The following THBS2 variants were observed in gnomAD, a reference collection of about 807,000 sequenced individuals.
THBS2 encodes the protein thrombospondin 2.
Under a neutral mutation model 135.2 loss-of-function variants are expected in THBS2, and 47 were observed. The observed-to-expected ratio is 0.35, with a 90% confidence interval of 0.28 to 0.44. The LOEUF is 0.44. Ranked by LOEUF, THBS2 falls within the 20% of genes least tolerant of loss-of-function variation. THBS2 has a pLI of 1.00. For missense variants in THBS2, 1,288 were observed against 1,603.1 expected (o/e 0.80, Z 3.36); for synonymous variants, 639 against 633.8 (o/e 1.01, Z -0.12).
In THBS2 at chr6:169,248,881, C is replaced by T. The variant is rs749837715; in HGVS notation, c.145G>A (p.Asp49Asn). The change falls in exon 3 of 22, where the codon GAC (aspartate) becomes AAC (asparagine). Residue 49 changes from aspartate to asparagine, a missense_variant. Physicochemically the swap from Asp to Asn is conservative, Grantham distance 23. Around this residue, in one of 2 missense-constraint regions of THBS2, gnomAD observed 414 missense variants for 447.0 expected, o/e 0.93. Transcript: ENST00000617924. The stretch of plus-strand genomic sequence containing the variant: ...AAGCGGTAAGCCGGCACGCCGGGGT[C>T]GGGCCCGCGGAACTGCTTGGCGCCA... ...TIGAKQFRGP[D>N]PGVPAYRFVR... 4 of 1,612,744 alleles carry T rather than the reference C, an allele frequency of 2.5e-6. No homozygotes were observed. In the African/African-American group the frequency reaches 4.0e-5, roughly 16 times the overall value.
rs11756759 is a variant in THBS2 at position 169,245,965 on chromosome 6, G to A, written c.694+232C>T. The A allele has an allele frequency of 8.8e-5, 33 of 376,102 alleles. 1 individual carries two copies. The Admixed American group carries it at 1.3e-3, about 15-fold the overall frequency. The allele number at this position is 376,102 out of a possible 1,614,324, so 23.3% of individuals were successfully genotyped here. On this transcript the variant is annotated intron_variant, in intron 4 of 21. Transcript: ENST00000617924. ...TCTTCTATAATAAAATTATTTGGAT[G>A]ATTAAAATCTACTTAAAATTAACTG...
In THBS2 at chr6:169,240,902, G is replaced by A. The variant is rs191064998; in HGVS notation, c.892-310C>T. 1.4e-4 allele frequency among the ~76,000 whole-genome samples: 21 copies of A among 152,222 alleles called. No individual in the cohort carries two copies. In the East Asian group the frequency reaches 2.9e-3, roughly 21 times the overall value. ...CGCTGGGGCTCCTTCGACTGGGGACGCCAGGTGGGACTGGGGTGGGAACTA... is the reference window on the plus strand; with the variant it reads ...CGCTGGGGCTCCTTCGACTGGGGACACCAGGTGGGACTGGGGTGGGAACTA... On this transcript the variant is annotated intron_variant, in intron 5 of 21. Coordinates refer to ENST00000617924, the MANE Select transcript of THBS2 (RefSeq NM_003247.5).
At chr6:169,246,504 G>A (rs1780561308) in intron 3 of THBS2, among the ~76,000 whole-genome samples, 2 of 152,348 alleles carry the variant, frequency 1.3e-5, no homozygotes, top group African/African-American at 4.8e-5. Flanking sequence ...TGTAATGTAA[G>A]AAATCTACCT....
At chr6:169,246,080 T>G in intron 4 of THBS2, 117 bp downstream of exon 4, 1 of 769,676 alleles carries the variant, frequency 1.3e-6, no homozygotes. Flanking sequence ...CCCAAATATT[T>G]TTACTTAAAT....
rs1456562071 is a variant in THBS2, at chr6:169,241,405, G to GTGTATGTGTGTGTA, written c.891+356_891+357insTACACACACATACA. ...TAAAATTATTTTCCTCTGCAGGTGT[G>GTGTATGTGTGTGTA]TGTGTGTGTGTATGTGTGTGTATGT... On this transcript the variant is annotated intron_variant, in intron 5 of 21. Coordinates refer to ENST00000617924, the MANE Select transcript of THBS2 (RefSeq NM_003247.5). This position sits in a 1 kb window ranked among gnomAD's most constrained non-coding sequence, Gnocchi z 5.5. Among the ~76,000 whole-genome samples, 4 of 113,956 alleles carry GTGTATGTGTGTGTA rather than the reference G, an allele frequency of 3.5e-5. No homozygotes were observed. Among genetic ancestry groups the GTGTATGTGTGTGTA allele is most frequent in the Non-Finnish European group, 8.7e-5 (4 of 46,070 alleles). The allele number at this position is 113,956 out of a possible 152,430, so 74.8% of individuals were successfully genotyped here.
Position 169,237,245 on chromosome 6 carries a change from C to A in THBS2, c.1402G>T (p.Val468Leu), listed in dbSNP as rs1165607015. 4 of 1,613,456 alleles carry A rather than the reference C, an allele frequency of 2.5e-6. No individual in the cohort carries two copies. The South Asian group carries it at 4.4e-5, about 18-fold the overall frequency. Residue 468 changes from valine to leucine, a missense_variant, in exon 9 of 22, where the codon GTG becomes TTG. By Grantham distance (32) the Val-to-Leu change is conservative (BLOSUM62 1). This residue lies in a region of THBS2 where 874 missense variants were observed against 1,156.1 expected (regional missense o/e 0.76). Coordinates refer to ENST00000617924, the MANE Select transcript of THBS2 (RefSeq NM_003247.5). ...ITRIRLCNSP[V>L]PQMGGKNCKG... is the part of the protein sequence containing the mutation. ...CAATTCTTGCCCCCCATCTGGGGCA[C>A]TGGGGAGTTGCAGAGACGGATGCGT...
chr6:169,223,254 C>T lies in THBS2; in HGVS notation c.2995G>A (p.Ala999Thr), dbSNP rs777096932. ...CCGTGTCTCAGAGACTCACCTACAG[C>T]GATGCCGGGGTCCGAGTTGGCTGTC... ...VQTANSDPGI[A>T]VGFDEFGSVD... The change falls in exon 18 of 22, where the codon GCT (alanine) becomes ACT (threonine). Residue 999 changes from alanine to threonine, a missense_variant. Physicochemically the swap from Ala to Thr is moderately conservative, Grantham distance 58. Transcript: ENST00000617924. 9 of 1,613,132 alleles carry T rather than the reference C, an allele frequency of 5.6e-6. No individual in the cohort carries two copies. The highest frequency in any genetic ancestry group is 1.7e-5 in the Admixed American group (1 of 59,978).
At chr6:169,226,108 C>G (rs1779616319) in intron 16 of THBS2, 72 bp downstream of exon 16, 2 of 1,476,286 alleles carry the variant, frequency 1.4e-6, no homozygotes, top group Non-Finnish European at 1.9e-6. Flanking sequence ...CACAGTGATC[C>G]CCCACACCGC....
In THBS2 at chr6:169,221,436, T is replaced by C. The variant is rs767278922; in HGVS notation, c.3365A>G (p.Tyr1122Cys). 1 of 1,613,958 alleles carries C rather than the reference T, an allele frequency of 6.2e-7. No homozygotes were observed. Among genetic ancestry groups the C allele is most frequent in the Non-Finnish European group, 8.5e-7 (1 of 1,179,978 alleles). Residue 1122 changes from tyrosine to cysteine, a missense_variant, in exon 20 of 22, where the codon TAC (tyrosine) becomes TGC (cysteine). Tyr to Cys is a radical substitution (Grantham distance 194). Around this residue, in one of 2 missense-constraint regions of THBS2, gnomAD observed 874 missense variants for 1,156.1 expected, o/e 0.76. Coordinates refer to ENST00000617924, the MANE Select transcript of THBS2 (RefSeq NM_003247.5). The part of the protein sequence containing the change: ...WHLTHRPKTG[Y>C]IRVLVHEGKQ... ...TGTGCTGACCTGCCCTCACCTGATGTAGCCAGTCTTGGGCCTGTGAGTCAG... is the reference window on the plus strand; with the variant it reads ...TGTGCTGACCTGCCCTCACCTGATGCAGCCAGTCTTGGGCCTGTGAGTCAG...
At position 169,241,709 on chromosome 6, in the gene THBS2, C is replaced by T. The variant is rs1313063184; in HGVS notation, c.891+53G>A. The stretch of plus-strand genomic sequence containing the variant: ...GTTGATACCTGCTGAGATGGGCCAG[C>T]GGCGGAGCTGCCCATGCCCTATGAC... On this transcript the variant is annotated intron_variant, in intron 5 of 21. Transcript: ENST00000617924. The surrounding 1 kb of genome is among the most constrained non-coding windows in gnomAD (Gnocchi z 5.5). 29 of 1,526,214 alleles carry T rather than the reference C, an allele frequency of 1.9e-5. No individual in the cohort carries two copies. Among genetic ancestry groups the T allele is most frequent in the African/African-American group, 2.7e-5 (2 of 73,166 alleles). 94.5% of individuals were successfully genotyped at this position (1,526,214 alleles called of 1,614,324 possible).
In THBS2 at chr6:169,240,536, G is replaced by T; in HGVS notation, c.948C>A (p.Asn316Lys). The T allele has an allele frequency of 1.2e-6, 2 of 1,614,036 alleles. No individual in the cohort carries two copies. Among genetic ancestry groups the T allele is most frequent in the Middle Eastern group, 1.6e-4 (1 of 6,062 alleles). Residue 316 changes from asparagine (N) to lysine (K), a missense_variant, in exon 6 of 22, where the codon AAC becomes AAA. Asn to Lys is a moderately conservative substitution (Grantham distance 94, BLOSUM62 0). Around this residue, in one of 2 missense-constraint regions of THBS2, gnomAD observed 414 missense variants for 447.0 expected, o/e 0.93. Coordinates refer to ENST00000617924, the MANE Select transcript of THBS2 (RefSeq NM_003247.5). Reference protein sequence around the residue: ...ELIGGPPKTRNMSACWQDGRF... With the variant: ...ELIGGPPKTRKMSACWQDGRF... Reference sequence around the variant, plus strand: ...GGCCATCCTGCCAGCAAGCTGACATGTTCCTTGTCTTAGGAGGGCCACCAA... The same window carrying T: ...GGCCATCCTGCCAGCAAGCTGACATTTTCCTTGTCTTAGGAGGGCCACCAA...
chr6:169,228,437 T>A (rs903910607), intron 14 of THBS2, among the ~76,000 whole-genome samples, 156 bp from the exon 15 acceptor site: 10 of 152,104 alleles, frequency 6.6e-5, no homozygotes, highest in Non-Finnish European at 1.5e-4. Context: ...GGCTCACACC[T>A]TTAATCACAG....
In THBS2 at chr6:169,241,216, G is replaced by A. The variant is rs1300979126; in HGVS notation, c.891+546C>T. Among the ~76,000 whole-genome samples the A allele has an allele frequency of 6.6e-6, 1 of 152,110 alleles. No individual in the cohort carries two copies. The highest frequency in any genetic ancestry group is 1.9e-4 in the East Asian group (1 of 5,174). On this transcript the variant is annotated intron_variant, in intron 5 of 21. Coordinates refer to ENST00000617924, the MANE Select transcript of THBS2 (RefSeq NM_003247.5). The surrounding 1 kb of genome is among the most constrained non-coding windows in gnomAD (Gnocchi z 5.5). ...ACCGTGGCCCGGAGCACCTCATTAT[G>A]TTCAGTCCCTTTCTCTAAACTGCGA...
chr6:169,226,341 A>C (rs376075582), intron 15 of THBS2, 43 bp from the exon 16 acceptor site: 8 of 1,485,336 alleles, frequency 5.4e-6, no homozygotes, highest in Non-Finnish European at 7.5e-6. Context: ...ACAAACCAGA[A>C]GGACAGGTGA....
intron 21 of THBS2, among the ~76,000 whole-genome samples, chr6:169,218,584 GA>G: frequency 1.4e-5 from 2 of 144,498 alleles, no homozygotes; most frequent in Admixed American, 6.8e-5. Flanking sequence ...ATGGATGGAT[GA>G]GATGGGTGGG....
chr6:169,239,561 A>T (rs1440219390), intron 7 of THBS2, 38 bp downstream of exon 7: 2 of 1,535,886 alleles, frequency 1.3e-6, no homozygotes, highest in Non-Finnish European at 8.9e-7. Flanking sequence ...TGGAATTCCT[A>T]AAAATGCAGG....
chr6:169,240,512 G>A lies in THBS2; in HGVS notation c.972C>T (p.Gly324=). 6.2e-7 allele frequency: 1 copy of A among 1,614,004 alleles called. No individual in the cohort carries two copies. Among genetic ancestry groups the A allele is most frequent in the South Asian group, 1.1e-5 (1 of 91,082 alleles). The change falls in exon 6 of 22, where the codon GGC becomes GGT. Residue 324 remains glycine, a synonymous_variant. Coordinates refer to ENST00000617924, the MANE Select transcript of THBS2 (RefSeq NM_003247.5). The part of the protein sequence containing the change: ...TRNMSACWQD[G]RFFAENETWV... ...ACGTTTCATTTTCCGCAAAGAACCG[G>A]CCATCCTGCCAGCAAGCTGACATGT... is the stretch of plus-strand genomic sequence containing the variant.
At chr6:169,218,236 C>G (rs111064716) in intron 21 of THBS2, among the ~76,000 whole-genome samples, 85,730 of 130,792 alleles carry the variant, frequency 0.66, 26,942 homozygotes, top group African/African-American at 0.77. Context: ...GGTTGGGTGG[C>G]TGGATGAGAT....
chr6:169,219,353 T>TGGATGAGATGGAG, intron 21 of THBS2, among the ~76,000 whole-genome samples: 1 of 145,870 alleles, frequency 6.9e-6, no homozygotes. Flanking sequence ...GATGGATGGA[T>TGGATGAGATGGAG]GGTTGGGTGA....
Sources: gnomAD v4.1 joint callset for allele counts (sites outside exome capture counted in the v4.1 genomes callset) on GRCh38, gnomAD v4.1.1 for gene constraint, gnomAD v4.1.1 regional missense constraint, Gnocchi (gnomAD v3.1) non-coding constraint, MANE v1.5 for transcripts, NCBI Gene and HGNC (gene_info 2026-07-23, HGNC 2026-07-21) for gene names.